The following ELP4 variants were observed in gnomAD, a reference collection of about 807,000 sequenced individuals.
The protein encoded by ELP4 is elongator acetyltransferase complex subunit 4.
In ELP4, 51 loss-of-function variants were observed where a neutral mutation model predicts 48.9. The ratio of observed to expected loss-of-function variants is 1.04; its 90% CI spans 0.83 to 1.32. The LOEUF (loss-of-function observed/expected upper bound fraction) is 1.32, where lower values mean the gene tolerates loss of function less well. Among genes scored for constraint, ELP4 ranks in the 40% most tolerant of loss-of-function variants. The pLI, the probability that ELP4 is intolerant of heterozygous loss-of-function variation, is 0.00. For synonymous variants in ELP4, 210 were observed against 189.2 expected, an observed-to-expected ratio of 1.11 and a Z score of -0.90; for missense variants, 519 against 514.6, an observed-to-expected ratio of 1.01 and a Z score of -0.08.
chr11:31,585,929 T>G (rs548900697), intron 3 of ELP4, among the ~76,000 whole-genome samples: 12 of 151,982 alleles, frequency 7.9e-5, no homozygotes, highest in Non-Finnish European at 1.6e-4. Flanking sequence ...TACAAAAAAT[T>G]TAAAAATTAG....
chr11:31,733,468 C>A (rs1383029396), intron 9 of ELP4, among the ~76,000 whole-genome samples: 2 of 115,354 alleles, frequency 1.7e-5, no homozygotes, highest in African/African-American at 4.0e-5. Flanking sequence ...CAGAGTGAGA[C>A]TCCATCTCAA....
chr11:31,623,695 CATCTTCCTTTTTATTCTCAT>C (rs1200537102), intron 5 of ELP4, among the ~76,000 whole-genome samples: 2 of 150,590 alleles, frequency 1.3e-5, no homozygotes, highest in African/African-American at 2.4e-5. Flanking sequence ...ATTGGCTTTG[CATCTTCCTTTTTATTCTCAT>C]ATCAAAGAAC....
chr11:31,539,824 C>A (rs1261297901), intron 3 of ELP4, 41 bp downstream of exon 3: 2 of 1,518,000 alleles, frequency 1.3e-6, no homozygotes, highest in Non-Finnish European at 1.8e-6. Context: ...TTGAATGTTT[C>A]ATGAAAAAAT....
chr11:31,522,994 G>C (rs1327367872), intron 2 of ELP4, among the ~76,000 whole-genome samples: 1 of 151,386 alleles, frequency 6.6e-6, no homozygotes, highest in African/African-American at 2.4e-5. Context: ...TGAGTAGCTG[G>C]GACAGCACTC....
chr11:31,549,462 G>T (rs1238982609), intron 3 of ELP4, among the ~76,000 whole-genome samples: 1 of 151,962 alleles, frequency 6.6e-6, no homozygotes, highest in Admixed American at 6.6e-5. Context: ...AGTTAGAATG[G>T]CAATCATTAA....
At chr11:31,656,841 C>G (rs562252023) in intron 9 of ELP4, among the ~76,000 whole-genome samples, 1 of 152,028 alleles carries the variant, frequency 6.6e-6, no homozygotes, top group East Asian at 1.9e-4. Context: ...TGGTTTGGCT[C>G]CAAGAAAATT....
intron 4 of ELP4, among the ~76,000 whole-genome samples, chr11:31,602,568 T>G (rs564798661): frequency 6.6e-6 from 1 of 152,068 alleles, no homozygotes; most frequent in Admixed American, 6.5e-5. Flanking sequence ...CCACAGACTC[T>G]GAATCTGAAA....
At chr11:31,544,147 C>T (rs1295672659) in intron 3 of ELP4, among the ~76,000 whole-genome samples, 3 of 152,192 alleles carry the variant, frequency 2.0e-5, no homozygotes, top group Non-Finnish European at 4.4e-5. Flanking sequence ...AGACAGTGGG[C>T]GCAGGTCAGT....
chr11:31,767,567 A>T (rs944451106), intron 9 of ELP4: 1 of 152,112 alleles, frequency 6.6e-6, no homozygotes, highest in African/African-American at 2.4e-5. Flanking sequence ...ATGCATTTTG[A>T]TTAAGCCAAA....
intron 3 of ELP4, among the ~76,000 whole-genome samples, chr11:31,546,313 A>T (rs943163319): frequency 2.0e-5 from 3 of 152,234 alleles, no homozygotes; most frequent in Non-Finnish European, 1.5e-5. Flanking sequence ...ATGGAAAACA[A>T]AAAAAGGCAG....
intron 9 of ELP4, among the ~76,000 whole-genome samples, chr11:31,702,226 C>G (rs1946539384): frequency 6.6e-6 from 1 of 151,996 alleles, no homozygotes. Context: ...TCACTTGAAC[C>G]CAGGAGTTCA....
intron 1 of ELP4, among the ~76,000 whole-genome samples, chr11:31,513,481 T>C (rs1218654257): frequency 6.6e-6 from 1 of 152,220 alleles, no homozygotes; most frequent in Non-Finnish European, 1.5e-5. Flanking sequence ...ACATTGCATT[T>C]TCCCAGAAAT....
At chr11:31,632,170 T>G (rs1324420859) in intron 6 of ELP4, 47 bp from the exon 7 acceptor site, 9 of 1,490,182 alleles carry the variant, frequency 6.0e-6, no homozygotes, top group Non-Finnish European at 7.3e-6. Context: ...GGTATTCTAT[T>G]GATTAACAAA....
intron 3 of ELP4, among the ~76,000 whole-genome samples, chr11:31,584,277 G>A (rs1367800814): frequency 3.9e-5 from 6 of 152,020 alleles, no homozygotes; most frequent in African/African-American, 1.4e-4. Context: ...CTTGAGGATA[G>A]GGCTGTGGGG....
At chr11:31,704,849 A>G (rs184052818) in intron 9 of ELP4, among the ~76,000 whole-genome samples, 43 of 151,884 alleles carry the variant, frequency 2.8e-4, no homozygotes, top group Admixed American at 1.0e-3. Flanking sequence ...CGTCTCTACT[A>G]AAAATACAAA....
intron 3 of ELP4, among the ~76,000 whole-genome samples, chr11:31,567,604 A>G (rs1476068144): frequency 6.6e-6 from 1 of 152,154 alleles, no homozygotes; most frequent in East Asian, 1.9e-4. Flanking sequence ...TCAGTGAAAT[A>G]AAGTAAATAT....
chr11:31,537,376 A>C (rs1490361122), intron 2 of ELP4, among the ~76,000 whole-genome samples: 1 of 148,850 alleles, frequency 6.7e-6, no homozygotes, highest in East Asian at 2.0e-4. Context: ...CCTTTTGCTA[A>C]TTCCACATTA....
At chr11:31,661,199 T>C (rs1449859200) in intron 9 of ELP4, among the ~76,000 whole-genome samples, 1 of 152,050 alleles carries the variant, frequency 6.6e-6, no homozygotes, top group Non-Finnish European at 1.5e-5. Context: ...TTCTAGTCAA[T>C]GTCAAACAAT....
intron 3 of ELP4, among the ~76,000 whole-genome samples, chr11:31,574,374 C>G (rs1004671832): frequency 6.6e-6 from 1 of 152,106 alleles, no homozygotes; most frequent in African/African-American, 2.4e-5. Context: ...CATAATGGAA[C>G]AAAAGGCAGC....
Sources: allele counts gnomAD v4.1 joint callset (sites outside exome capture counted in the v4.1 genomes callset), GRCh38; gene constraint gnomAD v4.1.1; transcripts MANE v1.5; gene names NCBI Gene and HGNC (gene_info 2026-07-23, HGNC 2026-07-21).